MEMO1: variants seen among roughly 807,000 people sequenced by gnomAD.
MEMO1 encodes the protein mediator of cell motility 1, also known as protein MEMO1.
A neutral mutation model predicts 45.2 loss-of-function variants in MEMO1; 6 were observed. The ratio of observed to expected loss-of-function variants is 0.13; its 90% CI spans 0.07 to 0.26. MEMO1 has a LOEUF of 0.26. MEMO1 is among the 10% of genes least tolerant of loss of function. The pLI is 1.00. For synonymous variants in MEMO1, 78 were observed against 124.3 expected (o/e 0.63, Z 2.48); for missense variants, 184 against 370.5 (o/e 0.50, Z 4.13).
At position 31,991,782 on chromosome 2, in the gene MEMO1, G is replaced by A. The variant is rs559736544; in HGVS notation, c.61+18405C>T. ...AAAACAGTGCTGTCAGCAACTAAAC[G>A]CTCATACTAGAAGAGTAAGCACTGG... On this transcript the variant is annotated intron_variant, in intron 2 of 9. Transcript: ENST00000404530. 1.2e-3 allele frequency among the ~76,000 whole-genome samples: 187 copies of A among 152,104 alleles called. 1 individual carries two copies. The highest frequency in any genetic ancestry group is 3.5e-3 in the African/African-American group (146 of 41,484).
rs17841897 is a variant in MEMO1, at chr2:31,943,624, C to G, written c.62-241G>C. Reference sequence around the variant, plus strand: ...TATCGATTTACTTATTTACAGCTGTCTTCATTTCAGAGCAACACAATGTGA... The same window carrying G: ...TATCGATTTACTTATTTACAGCTGTGTTCATTTCAGAGCAACACAATGTGA... On this transcript the variant is annotated intron_variant, in intron 2 of 9. Transcript: ENST00000404530. Among the ~76,000 whole-genome samples, 1,296 of 152,254 alleles carry G rather than the reference C, an allele frequency of 8.5e-3. 20 individuals carry two copies. The highest frequency in any genetic ancestry group is 0.03 in the African/African-American group (1,237 of 41,544).
intron 8 of MEMO1, among the ~76,000 whole-genome samples, chr2:31,875,056 A>G (rs1263178943): frequency 6.6e-6 from 1 of 152,004 alleles, no homozygotes. Flanking sequence ...TACTAATAAA[A>G]TAGAACACTT....
At chr2:31,933,341 AAAAAAAAATTTAT>A (rs1558514144) in intron 3 of MEMO1, among the ~76,000 whole-genome samples, 14 of 64,036 alleles carry the variant, frequency 2.2e-4, no homozygotes, top group African/African-American at 9.1e-4. Context: ...AAAAAAAAAA[AAAAAAAAATTTAT>A]ATATATATAT....
intron 2 of MEMO1, among the ~76,000 whole-genome samples, chr2:31,972,377 T>G (rs917195515): frequency 2.0e-5 from 3 of 152,070 alleles, no homozygotes; most frequent in East Asian, 1.9e-4. Context: ...AAAAGCCAAT[T>G]TAATAAAGAC....
intron 2 of MEMO1, among the ~76,000 whole-genome samples, chr2:31,962,930 G>C: frequency 6.6e-6 from 1 of 152,160 alleles, no homozygotes; most frequent in East Asian, 1.9e-4. Flanking sequence ...TATGTGGGTA[G>C]GCCCCACCTC....
chr2:32,003,557 T>G (rs1222163364), intron 2 of MEMO1, among the ~76,000 whole-genome samples: 1 of 152,220 alleles, frequency 6.6e-6, no homozygotes, highest in Non-Finnish European at 1.5e-5. Flanking sequence ...AAATTTAATG[T>G]AATGTCCTGC....
intron 4 of MEMO1, among the ~76,000 whole-genome samples, chr2:31,927,097 G>A (rs980324431): frequency 2.6e-5 from 4 of 152,104 alleles, no homozygotes; most frequent in Admixed American, 6.6e-5. Context: ...TTGAGAGGCC[G>A]AGGCAGGTCG....
rs183688948 is a variant in MEMO1, at chr2:31,974,391, T to C, written c.62-31008A>G. Among the ~76,000 whole-genome samples the C allele has an allele frequency of 1.2e-3, 182 of 152,318 alleles. 1 individual carries two copies. Among genetic ancestry groups the C allele is most frequent in the African/African-American group, 4.1e-3 (172 of 41,566 alleles). ...CTTATCCCTGACAAGATGGTTTATG[T>C]AATGAATATTTAAGGTGTTATATAC... On this transcript the variant is annotated intron_variant, in intron 2 of 9. Coordinates refer to ENST00000404530, the MANE Select transcript of MEMO1 (RefSeq NM_001301833.4).
At chr2:31,980,569 T>C (rs893543006) in intron 2 of MEMO1, among the ~76,000 whole-genome samples, 3 of 152,194 alleles carry the variant, frequency 2.0e-5, no homozygotes, top group Admixed American at 6.5e-5. Context: ...TGGCTTCCTA[T>C]CATAATTAGA....
intron 2 of MEMO1, among the ~76,000 whole-genome samples, chr2:32,003,317 G>A (rs1176918630): frequency 6.6e-6 from 1 of 152,012 alleles, no homozygotes; most frequent in Admixed American, 6.6e-5. Flanking sequence ...CTTCAAGAAT[G>A]TTCTTTGAAA....
intron 6 of MEMO1, among the ~76,000 whole-genome samples, chr2:31,898,922 C>A (rs1420884822): frequency 1.3e-5 from 2 of 152,050 alleles, no homozygotes; most frequent in African/African-American, 4.8e-5. Flanking sequence ...ATATTTAGGA[C>A]AGTTAGCTCT....
chr2:31,895,005 C>T (rs1221178860), intron 6 of MEMO1, among the ~76,000 whole-genome samples: 2 of 152,042 alleles, frequency 1.3e-5, no homozygotes, highest in East Asian at 1.9e-4. Flanking sequence ...GGGAACCCTA[C>T]AAAGCCAAGC....
intron 6 of MEMO1, among the ~76,000 whole-genome samples, chr2:31,906,259 C>T (rs962961588): frequency 6.6e-6 from 1 of 151,752 alleles, no homozygotes; most frequent in Non-Finnish European, 1.5e-5. Flanking sequence ...CGTGAGCCAC[C>T]GCACCCGGCC....
intron 2 of MEMO1, among the ~76,000 whole-genome samples, chr2:31,968,663 A>G (rs1653374957): frequency 6.6e-6 from 1 of 152,206 alleles, no homozygotes; most frequent in South Asian, 2.1e-4. Context: ...TCTTCAGTCC[A>G]TATCCTTGCA....
intron 4 of MEMO1, among the ~76,000 whole-genome samples, chr2:31,921,186 T>A (rs1682268475): frequency 6.6e-6 from 1 of 152,100 alleles, no homozygotes; most frequent in African/African-American, 2.4e-5. Flanking sequence ...GAGTCTGGTG[T>A]CCTTATAGGA....
intron 2 of MEMO1, among the ~76,000 whole-genome samples, chr2:31,995,161 AAG>A (rs1453673182): frequency 6.6e-6 from 1 of 152,074 alleles, no homozygotes; most frequent in Non-Finnish European, 1.5e-5. Flanking sequence ...ATATGAAAAT[AAG>A]AGAATTGGCC....
At chr2:31,900,293 A>T (rs1377376583) in intron 6 of MEMO1, among the ~76,000 whole-genome samples, 2 of 152,230 alleles carry the variant, frequency 1.3e-5, no homozygotes, top group Non-Finnish European at 2.9e-5. Flanking sequence ...ATGTCCATCA[A>T]TGATAGACTG....
intron 2 of MEMO1, among the ~76,000 whole-genome samples, chr2:31,965,257 A>C (rs1668475550): frequency 6.8e-6 from 1 of 147,788 alleles, no homozygotes; most frequent in Admixed American, 6.8e-5. Context: ...GGAGGGAAAA[A>C]AGGGAGGGAA....
chr2:31,930,649 T>C (rs1159680903), intron 4 of MEMO1, among the ~76,000 whole-genome samples: 5 of 151,752 alleles, frequency 3.3e-5, no homozygotes, highest in South Asian at 2.1e-4. Context: ...TTATAAAATA[T>C]ATATATATTT....
Sources: allele counts gnomAD v4.1 joint callset (sites outside exome capture counted in the v4.1 genomes callset), GRCh38; gene constraint gnomAD v4.1.1; transcripts MANE v1.5; gene names NCBI Gene and HGNC (gene_info 2026-07-23, HGNC 2026-07-21).